Variants in LPP observed in about 807,000 individuals in gnomAD.
LPP encodes lipoma-preferred partner.
Under a neutral mutation model 60.4 loss-of-function variants are expected in LPP, and 38 were observed. The observed-to-expected ratio is 0.63, with a 90% CI of 0.49 to 0.83. The LOEUF is 0.83. LPP is among the 40% of genes least tolerant of loss of function. The probability of loss-of-function intolerance (pLI) is 0.00; values close to 1 mark genes in which losing one functional copy is unlikely to be tolerated. For missense variants in LPP, 902 were observed against 783.6 expected (o/e 1.15, Z -1.80); for synonymous variants, 328 against 290.8 (o/e 1.13, Z -1.30).
At chr3:188,860,204 A>G (rs1365312287) in intron 9 of LPP, among the ~76,000 whole-genome samples, 2 of 152,118 alleles carry the variant, frequency 1.3e-5, no homozygotes, top group African/African-American at 2.4e-5. Flanking sequence ...TACTGCCATC[A>G]TTTGGGAAGC....
chr3:188,433,715 A>C (rs1791597024), intron 4 of LPP, among the ~76,000 whole-genome samples: 1 of 149,974 alleles, frequency 6.7e-6, no homozygotes, highest in East Asian at 2.0e-4. Context: ...TGGAGAAGAG[A>C]GGCCAGAGAG....
intron 9 of LPP, among the ~76,000 whole-genome samples, chr3:188,780,818 A>T (rs1577502450): frequency 6.6e-6 from 1 of 152,194 alleles, no homozygotes; most frequent in Non-Finnish European, 1.5e-5. Flanking sequence ...CAGAAAATTT[A>T]CATATGTGAT....
intron 7 of LPP, among the ~76,000 whole-genome samples, chr3:188,706,721 T>C (rs1169941752): frequency 1.3e-5 from 2 of 152,200 alleles, no homozygotes; most frequent in Non-Finnish European, 2.9e-5. Context: ...GTGAAGATAA[T>C]AGGAGAATGA....
intron 2 of LPP, among the ~76,000 whole-genome samples, chr3:188,314,619 G>A (rs765469051): frequency 2.0e-5 from 3 of 149,986 alleles, no homozygotes; most frequent in East Asian, 3.9e-4. Context: ...GTGTGTGATC[G>A]AGACCATCCT....
At chr3:188,368,731 G>C (rs1378897919) in intron 3 of LPP, among the ~76,000 whole-genome samples, 9 of 149,292 alleles carry the variant, frequency 6.0e-5, no homozygotes, top group African/African-American at 1.5e-4. Flanking sequence ...GAGAGAGAGA[G>C]AGAGAGAGAG....
rs1295850255 is a variant in LPP, at chr3:188,889,209, T to C, written c.*14730T>C. ...CTCCTAAAAATAGTAGTGTATGTTA[T>C]TTGATGGCTTTTGTTTCCATAGTTC... is the stretch of plus-strand genomic sequence containing the variant. On this transcript the variant is annotated 3_prime_UTR_variant, in exon 12 of 12. Transcript: ENST00000617246. 8.7e-6 allele frequency: 2 copies of C among 229,512 alleles called. No individual in the cohort carries two copies. Among genetic ancestry groups the C allele is most frequent in the African/African-American group, 4.4e-5 (2 of 45,106 alleles). 14.2% of individuals were successfully genotyped at this position (229,512 alleles called of 1,614,324 possible). A position where few individuals can be genotyped will look rare whatever the true frequency, so the allele number is the denominator to read the frequency against.
intron 7 of LPP, among the ~76,000 whole-genome samples, chr3:188,612,127 C>A (rs1436603766): frequency 6.6e-6 from 1 of 152,060 alleles, no homozygotes; most frequent in Admixed American, 6.6e-5. Flanking sequence ...TCAACAGTTT[C>A]ATGTGTTTTC....
At chr3:188,506,733 T>G (rs949010460) in intron 5 of LPP, among the ~76,000 whole-genome samples, 2 of 152,236 alleles carry the variant, frequency 1.3e-5, no homozygotes, top group African/African-American at 4.8e-5. Context: ...TTCATTTATT[T>G]TAGCAATTGC....
chr3:188,655,986 T>A (rs2149037283), intron 7 of LPP, among the ~76,000 whole-genome samples: 1 of 152,002 alleles, frequency 6.6e-6, no homozygotes, highest in South Asian at 2.1e-4. Context: ...GGTCAGGAGT[T>A]TGAGACCAGC....
At position 188,698,522 on chromosome 3, in the gene LPP, G is replaced by A. The variant is rs368266725; in HGVS notation, c.1114-9745G>A. Among the ~76,000 whole-genome samples, 15 of 150,392 alleles carry A rather than the reference G, an allele frequency of 1.0e-4. 1 individual carries two copies. The highest frequency in any genetic ancestry group is 4.0e-4 in the East Asian group (2 of 5,044). On this transcript the variant is annotated intron_variant, in intron 7 of 11. Coordinates refer to ENST00000617246, the MANE Select transcript of LPP (RefSeq NM_001375462.1). ...TCGCTTTCTCCTTTACGGAGGGCCC[G>A]CATGGAGGTTTAGAGGGAAGGAACC...
intron 2 of LPP, among the ~76,000 whole-genome samples, chr3:188,314,918 T>C (rs1446723648): frequency 6.6e-6 from 1 of 152,190 alleles, no homozygotes; most frequent in East Asian, 1.9e-4. Context: ...TATGGTAGAA[T>C]TCCCTTGTGA....
At chr3:188,421,309 C>T (rs542524246) in intron 4 of LPP, among the ~76,000 whole-genome samples, 1 of 152,004 alleles carries the variant, frequency 6.6e-6, no homozygotes, top group African/African-American at 2.4e-5. Flanking sequence ...TTTAGTGAAC[C>T]ACAATAGCTT....
intron 1 of LPP, among the ~76,000 whole-genome samples, chr3:188,219,844 G>A (rs56353281): frequency 1.6e-4 from 25 of 152,066 alleles, no homozygotes; most frequent in African/African-American, 6.0e-4. Context: ...TTTAGCCTGA[G>A]ATAACCTCTC....
intron 3 of LPP, among the ~76,000 whole-genome samples, chr3:188,364,229 T>C (rs1462220796): frequency 6.6e-6 from 1 of 152,232 alleles, no homozygotes; most frequent in Non-Finnish European, 1.5e-5. Flanking sequence ...TCAGTCAATA[T>C]ATTGCATTGT....
At chr3:188,765,336 AC>A (rs1733685410) in intron 9 of LPP, among the ~76,000 whole-genome samples, 2 of 141,766 alleles carry the variant, frequency 1.4e-5, no homozygotes, top group Admixed American at 1.4e-4. Flanking sequence ...ACACACACAC[AC>A]ACTTTCTTCT....
At chr3:188,691,033 G>A (rs950390461) in intron 7 of LPP, among the ~76,000 whole-genome samples, 1 of 151,996 alleles carries the variant, frequency 6.6e-6, no homozygotes, top group Non-Finnish European at 1.5e-5. Context: ...AGCTACTCCT[G>A]CCTGTCAGTT....
chr3:188,374,326 C>T (rs1216216419), intron 3 of LPP, among the ~76,000 whole-genome samples: 1 of 152,094 alleles, frequency 6.6e-6, no homozygotes, highest in African/African-American at 2.4e-5. Context: ...GATATTGATT[C>T]TTCCTACCCG....
chr3:188,461,564 AC>A (rs1798959716), intron 4 of LPP, among the ~76,000 whole-genome samples: 1 of 152,218 alleles, frequency 6.6e-6, no homozygotes, highest in Non-Finnish European at 1.5e-5. Flanking sequence ...CACTCAGACT[AC>A]TTCATCTCCC....
At chr3:188,840,330 C>T (rs1759620204) in intron 9 of LPP, among the ~76,000 whole-genome samples, 1 of 152,142 alleles carries the variant, frequency 6.6e-6, no homozygotes, top group Admixed American at 6.5e-5. Flanking sequence ...CTACATCTTC[C>T]TCTTAGACCT....
Sources: gnomAD v4.1 joint callset for allele counts (sites outside exome capture counted in the v4.1 genomes callset) on GRCh38, gnomAD v4.1.1 for gene constraint, MANE v1.5 for transcripts, NCBI Gene and HGNC (gene_info 2026-07-23, HGNC 2026-07-21) for gene names.